Variants in VWA8 observed in about 807,000 individuals in gnomAD.
VWA8 encodes von Willebrand factor A domain containing 8, also known as von Willebrand factor A domain-containing protein 8.
VWA8 carries 221 observed loss-of-function variants against 241.5 expected under a neutral mutation model. The observed-to-expected ratio is 0.91, with a 90% confidence interval of 0.82 to 1.02. The LOEUF (loss-of-function observed/expected upper bound fraction) is 1.02. Ranked by LOEUF, VWA8 falls within the 50% of genes least tolerant of loss-of-function variation. The pLI is 0.00. For synonymous variants in VWA8, 852 were observed against 827.1 expected, an observed-to-expected ratio of 1.03 and a Z score of -0.52; for missense variants, 2,322 against 2,328.7, an observed-to-expected ratio of 1.00 and a Z score of 0.06.
intron 1 of VWA8, among the ~76,000 whole-genome samples, chr13:41,956,742 T>G (rs1284495953): frequency 1.3e-5 from 2 of 152,250 alleles, no homozygotes; most frequent in African/African-American, 4.8e-5. Context: ...GGATGTTTAT[T>G]GCATTGTTTA....
In VWA8 at chr13:41,837,166, C is replaced by A. The variant is rs186700922; in HGVS notation, c.1426-3635G>T. Among the ~76,000 whole-genome samples, 59 of 152,278 alleles carry A rather than the reference C, an allele frequency of 3.9e-4. 1 individual carries two copies. The South Asian group carries it at 0.012, about 32-fold the overall frequency. On this transcript the variant is annotated intron_variant, in intron 12 of 44. Coordinates refer to ENST00000379310, the MANE Select transcript of VWA8 (RefSeq NM_015058.2). ...AACTCCTGGCCTCCAGCAATCCTCA[C>A]ACTTCAGCCTCCCAAAGTGGCAAGA...
chr13:41,651,555 T>C (rs527245607), intron 37 of VWA8, among the ~76,000 whole-genome samples: 4 of 152,348 alleles, frequency 2.6e-5, no homozygotes, highest in African/African-American at 7.2e-5. Flanking sequence ...CAACTGTGCC[T>C]TTGTAGTGCA....
rs1393495656 is a variant in VWA8 at position 41,703,413 on chromosome 13, T to C, written c.3117-2A>G. On this transcript the variant is annotated splice_acceptor_variant, in intron 26 of 44. Transcript: ENST00000379310. LOFTEE classifies it high-confidence loss of function. ...AACGTTTGTTCTGGCAGAGTCAACC[T>C]GTTAAGGATGATTTGCAAAGTAAAT... 1.2e-6 allele frequency: 2 copies of C among 1,613,286 alleles called. No homozygotes were observed. The highest frequency in any genetic ancestry group is 3.3e-5 in the Admixed American group (2 of 59,860).
At chr13:41,666,036 G>A (rs1046869414) in intron 37 of VWA8, among the ~76,000 whole-genome samples, 4 of 151,932 alleles carry the variant, frequency 2.6e-5, no homozygotes, top group South Asian at 2.1e-4. Context: ...TTGTTTATTT[G>A]CTTGCCTTAG....
At chr13:41,811,126 T>C (rs1022848544) in intron 17 of VWA8, 99 bp downstream of exon 17, 4 of 1,000,256 alleles carry the variant, frequency 4.0e-6, no homozygotes, top group East Asian at 2.5e-5. Flanking sequence ...CAGACCAATA[T>C]ATTTTGAAGA....
chr13:41,791,504 C>T (rs917646127), intron 17 of VWA8, among the ~76,000 whole-genome samples: 1 of 151,854 alleles, frequency 6.6e-6, no homozygotes, highest in African/African-American at 2.4e-5. Flanking sequence ...CTATTCATCT[C>T]TCTCCATCTC....
At chr13:41,804,782 T>C (rs1870111615) in intron 17 of VWA8, among the ~76,000 whole-genome samples, 1 of 152,138 alleles carries the variant, frequency 6.6e-6, no homozygotes, top group Non-Finnish European at 1.5e-5. Context: ...TGGACAAAGT[T>C]AGAGTGTAGA....
At chr13:41,754,309 C>A (rs1230380609) in intron 21 of VWA8, among the ~76,000 whole-genome samples, 1 of 152,094 alleles carries the variant, frequency 6.6e-6, no homozygotes, top group Non-Finnish European at 1.5e-5. Flanking sequence ...AGTTTCCCTG[C>A]ACAAGCTCTC....
intron 26 of VWA8, among the ~76,000 whole-genome samples, chr13:41,707,765 G>A (rs2045291503): frequency 6.6e-6 from 1 of 152,064 alleles, no homozygotes; most frequent in African/African-American, 2.4e-5. Flanking sequence ...CTTCCAGGAG[G>A]CCATTACCTC....
intron 37 of VWA8, among the ~76,000 whole-genome samples, chr13:41,627,818 C>T (rs958157683): frequency 2.0e-4 from 31 of 152,136 alleles, no homozygotes; most frequent in African/African-American, 6.5e-4. Context: ...GTAAAGACTA[C>T]GCCCCAGGTC....
intron 9 of VWA8, among the ~76,000 whole-genome samples, chr13:41,869,219 C>A (rs9532943): frequency 0.81 from 123,655 of 152,050 alleles, 51,124 homozygotes; most frequent in East Asian, 1. Flanking sequence ...AACTTCTTGG[C>A]CATCATTCTG....
intron 17 of VWA8, among the ~76,000 whole-genome samples, chr13:41,809,096 G>C (rs59681323): frequency 0.17 from 25,356 of 151,976 alleles, 2,233 homozygotes; most frequent in Middle Eastern, 0.22. Context: ...AACACTGATG[G>C]AGGAAATTGA....
intron 14 of VWA8, among the ~76,000 whole-genome samples, chr13:41,821,993 TGA>T (rs1239962380): frequency 1.3e-5 from 2 of 151,988 alleles, no homozygotes; most frequent in Admixed American, 6.6e-5. Flanking sequence ...GCCCTGGGGA[TGA>T]GAGAGGAGGG....
chr13:41,777,914 G>T (rs1868681440), intron 20 of VWA8, 71 bp downstream of exon 20: 1 of 1,331,682 alleles, frequency 7.5e-7, no homozygotes, highest in Non-Finnish European at 1.0e-6. Flanking sequence ...ATTCCAACAA[G>T]AAGAAACTTA....
intron 35 of VWA8, among the ~76,000 whole-genome samples, chr13:41,684,490 G>A (rs1282307964): frequency 6.6e-6 from 1 of 152,136 alleles, no homozygotes; most frequent in Non-Finnish European, 1.5e-5. Context: ...TCCACTGGTG[G>A]GGTGATCCTG....
intron 12 of VWA8, among the ~76,000 whole-genome samples, chr13:41,851,537 T>G (rs1043996244): frequency 1.3e-5 from 2 of 152,198 alleles, no homozygotes; most frequent in Non-Finnish European, 2.9e-5. Flanking sequence ...CGTGCTGTTC[T>G]CGTGGTAGTG....
Position 41,887,234 on chromosome 13 carries a change from C to A in VWA8, c.779G>T (p.Arg260Leu), listed in dbSNP as rs779458084. The change falls in exon 6 of 45, where the codon CGA (arginine) becomes CTA (leucine). Residue 260 changes from arginine (R) to leucine (L), a missense_variant. Coordinates refer to ENST00000379310, the MANE Select transcript of VWA8 (RefSeq NM_015058.2). ...GNPLDPPLRS[R>L]FQARDIYYLP... The stretch of plus-strand genomic sequence containing the variant: ...ATAATAAATATCCCTGGCTTGAAAT[C>A]GAGAACGAAGAGGGGGGTCTAATGG... The A allele has an allele frequency of 2.5e-6, 4 of 1,612,986 alleles. No homozygotes were observed. The highest frequency in any genetic ancestry group is 2.2e-5 in the East Asian group (1 of 44,794).
rs368315748 is a variant in VWA8, at chr13:41,583,266, G to C, written c.5271+4246C>G. Among the ~76,000 whole-genome samples, 19 of 152,256 alleles carry C rather than the reference G, an allele frequency of 1.2e-4. No homozygotes were observed. In the East Asian group the frequency reaches 2.7e-3, roughly 22 times the overall value. On this transcript the variant is annotated intron_variant, in intron 42 of 44. Transcript: ENST00000379310. ...ATACAAAGTCCCATATGGAGAGAAG[G>C]CCTGTTAGGAGTTTTGGAAATACAG... is the stretch of plus-strand genomic sequence containing the variant.
chr13:41,625,470 CAT>C (rs1309357491), intron 37 of VWA8, among the ~76,000 whole-genome samples: 2 of 152,168 alleles, frequency 1.3e-5, no homozygotes, highest in South Asian at 2.1e-4. Context: ...AGCGAAAAAA[CAT>C]ATGAAAAAAT....
Sources: gnomAD v4.1 joint callset for allele counts (sites outside exome capture counted in the v4.1 genomes callset) on GRCh38, gnomAD v4.1.1 for gene constraint, MANE v1.5 for transcripts, NCBI Gene and HGNC (gene_info 2026-07-23, HGNC 2026-07-21) for gene names.